Variants in DNAH6 observed in about 807,000 individuals in gnomAD.
DNAH6 encodes the protein axonemal beta dynein heavy chain 6.
Under a neutral mutation model 491.4 loss-of-function variants are expected in DNAH6, and 340 were observed. That is an observed-to-expected ratio of 0.69 (90% confidence interval 0.63 to 0.76). The LOEUF (loss-of-function observed/expected upper bound fraction) is 0.76, where lower values mean the gene tolerates loss of function less well. Among genes scored for constraint, DNAH6 ranks in the 30% least tolerant of loss-of-function variants. The pLI, the probability that DNAH6 is intolerant of heterozygous loss-of-function variation, is 0.00. For synonymous variants in DNAH6, 1,603 were observed against 1,686.1 expected (o/e 0.95, Z 1.21); for missense variants, 4,443 against 4,972.2 (o/e 0.89, Z 3.20).
chr2:84,605,352 C>CAAAAAAAAA lies in DNAH6; in HGVS notation c.3082-138_3082-130dup, dbSNP rs5832617. 78 of 337,286 alleles carry CAAAAAAAAA rather than the reference C, an allele frequency of 2.3e-4. 1 individual carries two copies. The highest frequency in any genetic ancestry group is 2.3e-3 in the African/African-American group (74 of 32,136). The allele number at this position is 337,286 out of a possible 1,614,324, so 20.9% of individuals were successfully genotyped here. ...TGGGTGACAGAGTGAGACTCTATCT[C>CAAAAAAAAA]AAAAAAAAAAAAAAAAAAGAATTTT... On this transcript the variant is annotated intron_variant, in intron 19 of 76. Transcript: ENST00000389394.
intron 29 of DNAH6, among the ~76,000 whole-genome samples, chr2:84,627,196 C>G (rs1000782102): frequency 2.0e-5 from 3 of 152,174 alleles, no homozygotes; most frequent in African/African-American, 7.2e-5. Flanking sequence ...CAACAAGAGG[C>G]TTTTTTGAAA....
At chr2:84,519,529 A>C (rs187712122) in intron 2 of DNAH6, among the ~76,000 whole-genome samples, 275 of 152,094 alleles carry the variant, frequency 1.8e-3, no homozygotes, top group African/African-American at 6.4e-3. Context: ...CTTTTTATAG[A>C]GTTGGTAAGA....
chr2:84,812,512 AC>A lies in DNAH6; in HGVS notation c.11913del (p.Ser3972HisfsTer27). 1 of 1,547,566 alleles carries A rather than the reference AC, an allele frequency of 6.5e-7. No homozygotes were observed. Among genetic ancestry groups the A allele is most frequent in the Non-Finnish European group, 8.7e-7 (1 of 1,145,904 alleles). On this transcript the variant is annotated frameshift_variant, in exon 73 of 77. Transcript: ENST00000389394. LOFTEE classifies it high-confidence loss of function. The stretch of plus-strand genomic sequence containing the variant: ...ATGGGTCAAAGACCTTATCCTGAGG[AC>A]CTCATTTGTGGATGTAAGAAAATTC... Reference protein sequence around the residue: ...GSWVKDLILRTSFVDLWLKRG... With the variant: ...GSWVKDLILRXSFVDLWLKRG...
intron 55 of DNAH6, among the ~76,000 whole-genome samples, chr2:84,710,013 T>C (rs1439612083): frequency 6.6e-6 from 1 of 152,212 alleles, no homozygotes; most frequent in Non-Finnish European, 1.5e-5. Context: ...GGAGCCACTG[T>C]GGAAGCAAGG....
intron 39 of DNAH6, among the ~76,000 whole-genome samples, chr2:84,670,786 G>A (rs1573431950): frequency 6.6e-6 from 1 of 152,264 alleles, no homozygotes; most frequent in East Asian, 1.9e-4. Context: ...ACAAACCTCT[G>A]TATATTTGGC....
At chr2:84,710,861 AAAAG>A (rs1346486699) in intron 56 of DNAH6, among the ~76,000 whole-genome samples, 2 of 152,104 alleles carry the variant, frequency 1.3e-5, no homozygotes, top group African/African-American at 4.8e-5. Context: ...TAAAAAAAAA[AAAAG>A]AAGAAGAGGA....
chr2:84,653,248 T>C (rs1690626300), intron 33 of DNAH6, 71 bp from the exon 34 acceptor site: 1 of 1,232,900 alleles, frequency 8.1e-7, no homozygotes, highest in Non-Finnish European at 1.1e-6. Flanking sequence ...TAATATTTCA[T>C]TGATTGTAAC....
intron 29 of DNAH6, among the ~76,000 whole-genome samples, chr2:84,630,221 C>CA (rs1688276281): frequency 6.6e-6 from 1 of 152,028 alleles, no homozygotes; most frequent in Non-Finnish European, 1.5e-5. Flanking sequence ...TTGCAACCTT[C>CA]AAAAAACAAT....
chr2:84,762,053 G>C (rs1478661292), intron 63 of DNAH6, among the ~76,000 whole-genome samples: 1 of 152,174 alleles, frequency 6.6e-6, no homozygotes, highest in Non-Finnish European at 1.5e-5. Context: ...GGGTTGGGGA[G>C]GGACAAGGCC....
At chr2:84,689,924 T>C (rs1409918574) in intron 45 of DNAH6, among the ~76,000 whole-genome samples, 1 of 152,222 alleles carries the variant, frequency 6.6e-6, no homozygotes, top group Non-Finnish European at 1.5e-5. Flanking sequence ...TATTTGAAGA[T>C]CATTCCCATA....
At chr2:84,787,808 A>T (rs557073400) in intron 68 of DNAH6, among the ~76,000 whole-genome samples, 1 of 152,320 alleles carries the variant, frequency 6.6e-6, no homozygotes, top group African/African-American at 2.4e-5. Context: ...AAAAAAGGAA[A>T]AACCTTTCAG....
Position 84,561,185 on chromosome 2 carries a change from C to CA in DNAH6, c.1803+3251dup, listed in dbSNP as rs1348142790. On this transcript the variant is annotated intron_variant, in intron 11 of 76. Coordinates refer to ENST00000389394, the MANE Select transcript of DNAH6 (RefSeq NM_001370.2). ...AAACAGCATGGTACTGGTACCAAAA[C>CA]AGAGATATAGATCAATGGAACAGAA... Among the ~76,000 whole-genome samples, 14 of 152,140 alleles carry CA rather than the reference C, an allele frequency of 9.2e-5. 1 individual carries two copies. The highest frequency in any genetic ancestry group is 1.9e-4 in the Non-Finnish European group (13 of 68,024).
chr2:84,557,016 T>C (rs901581915), intron 10 of DNAH6, among the ~76,000 whole-genome samples: 61 of 152,352 alleles, frequency 4.0e-4, no homozygotes, highest in African/African-American at 1.3e-3. Context: ...TGATTGTCCT[T>C]GCACATAAAT....
At chr2:84,572,221 C>G (rs532123716) in intron 11 of DNAH6, among the ~76,000 whole-genome samples, 2 of 152,046 alleles carry the variant, frequency 1.3e-5, no homozygotes, top group Non-Finnish European at 2.9e-5. Flanking sequence ...CCAAATGGTT[C>G]AGAGTATAAT....
intron 65 of DNAH6, among the ~76,000 whole-genome samples, chr2:84,784,044 G>A (rs759333271): frequency 1.3e-5 from 2 of 152,214 alleles, no homozygotes; most frequent in Non-Finnish European, 2.9e-5. Context: ...TTGAGAAACA[G>A]CATAATACGT....
chr2:84,819,173 A>T, intron 76 of DNAH6, 132 bp from the exon 77 acceptor site: 1 of 586,458 alleles, frequency 1.7e-6, no homozygotes, highest in African/African-American at 1.9e-5. Context: ...CCCATAAAGG[A>T]CTATTTGTCC....
chr2:84,686,629 T>C, intron 44 of DNAH6, 72 bp downstream of exon 44: 2 of 985,850 alleles, frequency 2.0e-6, no homozygotes, highest in Non-Finnish European at 3.0e-6. Flanking sequence ...TTCAAATGAA[T>C]ATTCTATAAA....
Position 84,709,444 on chromosome 2 carries a change from G to A in DNAH6, c.9150G>A (p.Gln3050=). The A allele has an allele frequency of 1.3e-6, 2 of 1,551,704 alleles. No individual in the cohort carries two copies. Among genetic ancestry groups the A allele is most frequent in the Non-Finnish European group, 1.7e-6 (2 of 1,147,018 alleles). The change falls in exon 55 of 77, where the codon CAG becomes CAA. Residue 3050 remains glutamine, a synonymous_variant. Transcript: ENST00000389394. ...TTGGAGATCCCTACGAGATACGGCA[G>A]TGGAACACTGATGGGCTGCCCCGTG... The part of the protein sequence containing the change: ...NILGDPYEIR[Q]WNTDGLPRDL...
intron 29 of DNAH6, among the ~76,000 whole-genome samples, chr2:84,629,775 G>A (rs548061857): frequency 1.3e-5 from 2 of 152,238 alleles, no homozygotes; most frequent in South Asian, 4.1e-4. Flanking sequence ...CTGGTTCTAG[G>A]TCTGGGGCAG....
Sources: allele counts gnomAD v4.1 joint callset (sites outside exome capture counted in the v4.1 genomes callset), GRCh38; gene constraint gnomAD v4.1.1; transcripts MANE v1.5; gene names NCBI Gene and HGNC (gene_info 2026-07-23, HGNC 2026-07-21).